The following LDB2 variants were observed in gnomAD, a reference collection of about 807,000 sequenced individuals.
The protein encoded by LDB2 is LIM domain binding 2, also known as LIM domain-binding protein 2.
Under a neutral mutation model 44.3 loss-of-function variants are expected in LDB2, and 12 were observed. The observed-to-expected ratio is 0.27, with a 90% CI of 0.17 to 0.44. LDB2 has a LOEUF of 0.44. Among genes scored for constraint, LDB2 ranks in the 20% least tolerant of loss-of-function variants. The probability of loss-of-function intolerance (pLI) is 1.00; values close to 1 mark genes in which losing one functional copy is unlikely to be tolerated. For missense variants in LDB2, 344 were observed against 473.5 expected (o/e 0.73, Z 2.54); for synonymous variants, 164 against 174.8 (o/e 0.94, Z 0.49).
At chr4:16,595,625 A>G (rs1201651363) in intron 3 of LDB2, 78 bp downstream of exon 3, 2 of 1,369,578 alleles carry the variant, frequency 1.5e-6, no homozygotes, top group Non-Finnish European at 2.0e-6. Flanking sequence ...CCCAGGTTCC[A>G]TAGGAAAACC....
At chr4:16,638,372 G>A (rs140183075) in intron 2 of LDB2, among the ~76,000 whole-genome samples, 1 of 152,274 alleles carries the variant, frequency 6.6e-6, no homozygotes, top group African/African-American at 2.4e-5. Flanking sequence ...GTAGCACAAG[G>A]GGGTCTGGAG....
intron 2 of LDB2, among the ~76,000 whole-genome samples, chr4:16,727,505 A>G (rs1759776470): frequency 6.6e-6 from 1 of 151,942 alleles, no homozygotes; most frequent in South Asian, 2.1e-4. Context: ...GAGCATGGGG[A>G]ATGCAGTTGA....
intron 2 of LDB2, among the ~76,000 whole-genome samples, chr4:16,687,302 G>A (rs1442005189): frequency 6.6e-6 from 1 of 152,098 alleles, no homozygotes. Flanking sequence ...CCTCATGAAT[G>A]GGATTAGTGC....
chr4:16,554,199 C>T (rs138200685), intron 5 of LDB2, among the ~76,000 whole-genome samples: 1,967 of 151,036 alleles, frequency 0.013, 31 homozygotes, highest in South Asian at 0.06. Context: ...TACAGGCATG[C>T]GCCACCATGC....
intron 2 of LDB2, among the ~76,000 whole-genome samples, chr4:16,743,752 C>T (rs911176921): frequency 2.6e-5 from 4 of 152,114 alleles, no homozygotes; most frequent in Admixed American, 2.0e-4. Context: ...AAAACAAATT[C>T]TGCCAACAAG....
intron 5 of LDB2, among the ~76,000 whole-genome samples, chr4:16,579,092 G>C (rs986686941): frequency 6.6e-6 from 1 of 152,074 alleles, no homozygotes; most frequent in Admixed American, 6.5e-5. Context: ...CCCAAACAGA[G>C]TTAGAAAGAA....
At chr4:16,630,639 CT>C (rs1364836476) in intron 2 of LDB2, among the ~76,000 whole-genome samples, 11 of 152,262 alleles carry the variant, frequency 7.2e-5, no homozygotes, top group African/African-American at 2.6e-4. Flanking sequence ...AAGACACAGA[CT>C]GGCAAATTGG....
intron 2 of LDB2, among the ~76,000 whole-genome samples, chr4:16,722,552 G>A (rs1758501169): frequency 6.6e-6 from 1 of 152,140 alleles, no homozygotes; most frequent in East Asian, 1.9e-4. Context: ...TTTAAGATGT[G>A]TATCAACTGT....
At chr4:16,768,210 ATAAACT>A (rs1461591878) in intron 1 of LDB2, among the ~76,000 whole-genome samples, 2 of 152,086 alleles carry the variant, frequency 1.3e-5, no homozygotes, top group African/African-American at 2.4e-5. Context: ...TTTTATTAAA[ATAAACT>A]TAAACAGGTC....
At chr4:16,627,960 G>C (rs1426618593) in intron 2 of LDB2, among the ~76,000 whole-genome samples, 2 of 152,152 alleles carry the variant, frequency 1.3e-5, no homozygotes, top group African/African-American at 2.4e-5. Flanking sequence ...ACGTGCACAT[G>C]GGGTTTATGA....
chr4:16,753,818 T>C (rs938392320), intron 2 of LDB2, among the ~76,000 whole-genome samples: 1 of 152,164 alleles, frequency 6.6e-6, no homozygotes, highest in Non-Finnish European at 1.5e-5. Flanking sequence ...TAAAGGTTAA[T>C]GAAAATTTTA....
chr4:16,669,400 G>A (rs1396335142), intron 2 of LDB2, among the ~76,000 whole-genome samples: 2 of 152,056 alleles, frequency 1.3e-5, no homozygotes, highest in African/African-American at 4.8e-5. Context: ...CTCTGGAGAA[G>A]CCAGGCCACA....
intron 2 of LDB2, among the ~76,000 whole-genome samples, chr4:16,744,980 T>C (rs1183403963): frequency 1.3e-5 from 2 of 152,214 alleles, no homozygotes; most frequent in East Asian, 1.9e-4. Flanking sequence ...ACAAATACTA[T>C]AGTAACAGTG....
chr4:16,733,662 C>G (rs1007659811), intron 2 of LDB2, among the ~76,000 whole-genome samples: 3 of 152,156 alleles, frequency 2.0e-5, no homozygotes, highest in African/African-American at 7.2e-5. Context: ...TTGTGTGGCA[C>G]CAGCGAATTC....
chr4:16,577,510 C>T (rs1431459883), intron 5 of LDB2, among the ~76,000 whole-genome samples: 1 of 151,874 alleles, frequency 6.6e-6, no homozygotes, highest in Non-Finnish European at 1.5e-5. Context: ...TAGGAATTAA[C>T]CAAGTAAGTG....
At chr4:16,567,537 G>C (rs888555786) in intron 5 of LDB2, among the ~76,000 whole-genome samples, 1 of 152,126 alleles carries the variant, frequency 6.6e-6, no homozygotes, top group African/African-American at 2.4e-5. Context: ...TTGGGAGGCC[G>C]AGGCGGGCGG....
At chr4:16,814,213 A>G (rs770137140) in intron 1 of LDB2, among the ~76,000 whole-genome samples, 4 of 152,140 alleles carry the variant, frequency 2.6e-5, no homozygotes, top group Non-Finnish European at 4.4e-5. Context: ...TGCTTCTGGA[A>G]AATTACCTTT....
At chr4:16,676,869 A>T (rs1746465335) in intron 2 of LDB2, among the ~76,000 whole-genome samples, 1 of 152,232 alleles carries the variant, frequency 6.6e-6, no homozygotes, top group South Asian at 2.1e-4. Flanking sequence ...GAAGATGAGT[A>T]AGATTTGCAA....
intron 2 of LDB2, among the ~76,000 whole-genome samples, chr4:16,621,599 C>G (rs552392973): frequency 6.6e-6 from 1 of 152,050 alleles, no homozygotes. Context: ...GTTACCCTGA[C>G]GAGAATGCAG....
Sources: allele counts gnomAD v4.1 joint callset (sites outside exome capture counted in the v4.1 genomes callset), GRCh38; gene constraint gnomAD v4.1.1; transcripts MANE v1.5; gene names NCBI Gene and HGNC (gene_info 2026-07-23, HGNC 2026-07-21).